TIGIT: variants seen among roughly 807,000 people sequenced by gnomAD.
TIGIT encodes T cell immunoreceptor with Ig and ITIM domains.
In TIGIT, 11 loss-of-function variants were observed where a neutral mutation model predicts 19.6. The ratio of observed to expected loss-of-function variants is 0.56; its 90% CI spans 0.35 to 0.93. The LOEUF (loss-of-function observed/expected upper bound fraction) is 0.93. TIGIT is among the 40% of genes least tolerant of loss of function. TIGIT has a pLI of 0.01. For missense variants in TIGIT, 295 were observed against 303.9 expected, an observed-to-expected ratio of 0.97 and a Z score of 0.22; for synonymous variants, 130 against 125.5, an observed-to-expected ratio of 1.04 and a Z score of -0.24.
At chr3:114,300,285 C>T (rs530922157) in intron 3 of TIGIT, among the ~76,000 whole-genome samples, 9 of 151,782 alleles carry the variant, frequency 5.9e-5, no homozygotes, top group African/African-American at 9.7e-5. Context: ...GAGACTGTGG[C>T]GGGAGGATCA....
In TIGIT at chr3:114,305,864, G is replaced by GGATGGATA. The variant is rs762466701; in HGVS notation, c.499-2028_499-2027insGGATAGAT. Among the ~76,000 whole-genome samples, 323 of 145,142 alleles carry GGATGGATA rather than the reference G, an allele frequency of 2.2e-3. 1 individual carries two copies. In the East Asian group the frequency reaches 0.026, roughly 12 times the overall value. ...TGGATGGGTGGGTGGATGGATGGATGGATAGATAGATAGATAGATAGATAG... is the reference window on the plus strand; with the variant it reads ...TGGATGGGTGGGTGGATGGATGGATGGATGGATAGATAGATAGATAGATAGATAGATAG... On this transcript the variant is annotated intron_variant, in intron 3 of 3. Transcript: ENST00000383671.
intron 3 of TIGIT, among the ~76,000 whole-genome samples, chr3:114,302,594 C>T (rs758355956): frequency 2.0e-5 from 3 of 152,142 alleles, no homozygotes; most frequent in Non-Finnish European, 4.4e-5. Flanking sequence ...TTAAGTGCTG[C>T]TATCTGTTCT....
rs2078447455 is a variant in TIGIT, at chr3:114,295,535, T to G, written c.62-10T>G. ...CCCAGGACTCACATGTGCTTCGTCC[T>G]CTTCCCTAGGAATGATGACAGGCAC... On this transcript the variant is annotated splice_polypyrimidine_tract_variant and intron_variant, in intron 1 of 3. Coordinates refer to ENST00000383671, the MANE Select transcript of TIGIT (RefSeq NM_173799.4). The G allele has an allele frequency of 1.2e-6, 2 of 1,607,406 alleles. No homozygotes were observed. The highest frequency in any genetic ancestry group is 2.7e-5 in the African/African-American group (2 of 74,862).
chr3:114,303,560 T>TACAC (rs2078508514), intron 3 of TIGIT, among the ~76,000 whole-genome samples: 2 of 5,816 alleles, frequency 3.4e-4, no homozygotes, highest in African/African-American at 5.4e-4. Flanking sequence ...TGTATATATA[T>TACAC]ATACATATAT....
At chr3:114,307,742 G>C (rs532852334) in intron 3 of TIGIT, 153 bp from the exon 4 acceptor site, 1 of 694,840 alleles carries the variant, frequency 1.4e-6, no homozygotes, top group Non-Finnish European at 2.5e-6. Flanking sequence ...CTGTAACGCG[G>C]TTGAGAAATT....
chr3:114,297,383 C>G (rs1196139747), intron 2 of TIGIT, among the ~76,000 whole-genome samples: 1 of 152,112 alleles, frequency 6.6e-6, no homozygotes, highest in Non-Finnish European at 1.5e-5. Context: ...ATAAGCTTAA[C>G]TTCATAAGGG....
chr3:114,303,564 CATATATATGTATATATATATAT>C (rs1560033582), intron 3 of TIGIT, among the ~76,000 whole-genome samples: 27 of 5,466 alleles, frequency 4.9e-3, no homozygotes, highest in Admixed American at 0.013. Context: ...TATATATATA[CATATATATGTATATATATATAT>C]ACATATATAT....
rs560685414 is a variant in TIGIT, at chr3:114,309,657, A to G, written c.*1526A>G. 4 of 152,344 alleles carry G rather than the reference A, an allele frequency of 2.6e-5. No homozygotes were observed. In the East Asian group the frequency reaches 7.7e-4, roughly 29 times the overall value. 9.4% of individuals were successfully genotyped at this position (152,344 alleles called of 1,614,324 possible). A position where few individuals can be genotyped will look rare whatever the true frequency, so the allele number is the denominator to read the frequency against. ...CAGAGCTCCAAGTCCTTTGGAAGAAAGATTAGATGAACGTAAAAATGTTGT... is the reference window on the plus strand; with the variant it reads ...CAGAGCTCCAAGTCCTTTGGAAGAAGGATTAGATGAACGTAAAAATGTTGT... On this transcript the variant is annotated 3_prime_UTR_variant, in exon 4 of 4. Coordinates refer to ENST00000383671, the MANE Select transcript of TIGIT (RefSeq NM_173799.4).
chr3:114,301,464 G>T lies in TIGIT; in HGVS notation c.498+1761G>T, dbSNP rs142223124. On this transcript the variant is annotated intron_variant, in intron 3 of 3. Transcript: ENST00000383671. ...AGGACAAGAGAAATGATTGAATAGA[G>T]GGGGGAGGTGAAGAAGATGAAAGTT... 5.9e-5 allele frequency among the ~76,000 whole-genome samples: 9 copies of T among 152,190 alleles called. 1 individual carries two copies. The highest frequency in any genetic ancestry group is 2.2e-4 in the African/African-American group (9 of 41,442).
At chr3:114,301,666 T>C (rs2078493479) in intron 3 of TIGIT, among the ~76,000 whole-genome samples, 1 of 152,198 alleles carries the variant, frequency 6.6e-6, no homozygotes, top group South Asian at 2.1e-4. Flanking sequence ...TGGACTAACT[T>C]TGGTCATCTG....
In TIGIT at chr3:114,308,066, G is replaced by A. The variant is rs2078547834; in HGVS notation, c.670G>A (p.Asp224Asn). The A allele has an allele frequency of 6.2e-7, 1 of 1,614,062 alleles. No individual in the cohort carries two copies. Among genetic ancestry groups the A allele is most frequent in the Non-Finnish European group, 8.5e-7 (1 of 1,180,042 alleles). Residue 224 changes from aspartate to asparagine, a missense_variant, in exon 4 of 4, where the codon GAC (aspartate) becomes AAC (asparagine). Transcript: ENST00000383671. ...QRGEDCAELH[D>N]YFNVLSYRSL... Reference sequence around the variant, plus strand: ...GGGAGAGGACTGTGCCGAGCTGCATGACTACTTCAATGTCCTGAGTTACAG... The same window carrying A: ...GGGAGAGGACTGTGCCGAGCTGCATAACTACTTCAATGTCCTGAGTTACAG...
intron 2 of TIGIT, among the ~76,000 whole-genome samples, chr3:114,296,280 G>A (rs1451710837): frequency 1.3e-5 from 2 of 152,218 alleles, no homozygotes; most frequent in African/African-American, 2.4e-5. Context: ...TAAAAACATA[G>A]CCTGTGCTAA....
intron 2 of TIGIT, among the ~76,000 whole-genome samples, chr3:114,296,956 G>A (rs1309860305): frequency 2.8e-5 from 4 of 144,724 alleles, no homozygotes; most frequent in African/African-American, 7.8e-5. Context: ...GTGCAATGGC[G>A]CAATCTCAGC....
intron 3 of TIGIT, among the ~76,000 whole-genome samples, chr3:114,306,515 A>G (rs1029857003): frequency 1.3e-5 from 2 of 152,268 alleles, no homozygotes; most frequent in South Asian, 2.1e-4. Context: ...TTGGGTCCCA[A>G]CTCAACCACT....
At chr3:114,305,914 G>A (rs1314468608) in intron 3 of TIGIT, among the ~76,000 whole-genome samples, 3 of 145,936 alleles carry the variant, frequency 2.1e-5, no homozygotes, top group African/African-American at 7.5e-5. Context: ...AGATGAGGAG[G>A]GATTTGTTAG....
rs2078452521 is a variant in TIGIT, at chr3:114,296,150, T to TA, written c.391+276_391+277insA. On this transcript the variant is annotated intron_variant, in intron 2 of 3. Transcript: ENST00000383671. ...ACTGTTCTTATGTAAGAAGCACATC[T>TA]TACCTATATTTCCTAGGAAGACCAG... 6.5e-5 allele frequency: 23 copies of TA among 356,464 alleles called. No homozygotes were observed. In the South Asian group the frequency reaches 1.3e-3, roughly 21 times the overall value. The allele number at this position is 356,464 out of a possible 1,614,324, so 22.1% of individuals were successfully genotyped here.
chr3:114,299,492 G>A, intron 2 of TIGIT, 105 bp from the exon 3 acceptor site: 1 of 794,172 alleles, frequency 1.3e-6, no homozygotes, highest in Non-Finnish European at 2.2e-6. Flanking sequence ...TTACACAAAG[G>A]GCTTGGCCAA....
At position 114,300,400 on chromosome 3, in the gene TIGIT, T is replaced by A. The variant is rs1387481237; in HGVS notation, c.498+697T>A. Among the ~76,000 whole-genome samples the A allele has an allele frequency of 2.6e-5, 4 of 151,156 alleles. No individual in the cohort carries two copies. In the East Asian group the frequency reaches 5.8e-4, roughly 22 times the overall value. On this transcript the variant is annotated intron_variant, in intron 3 of 3. Coordinates refer to ENST00000383671, the MANE Select transcript of TIGIT (RefSeq NM_173799.4). ...AAAAAAAAAAAAATTGGTGGTAAAG[T>A]GGGCATGGCAAGATCAGCAGGTTGT... is the stretch of plus-strand genomic sequence containing the variant.
intron 3 of TIGIT, among the ~76,000 whole-genome samples, chr3:114,301,373 AT>A (rs1311157750): frequency 3.3e-5 from 5 of 152,176 alleles, no homozygotes; most frequent in Non-Finnish European, 7.3e-5. Flanking sequence ...GATCTATAAT[AT>A]TTTCATTTAT....
Sources: gnomAD v4.1 joint callset for allele counts (sites outside exome capture counted in the v4.1 genomes callset) on GRCh38, gnomAD v4.1.1 for gene constraint, MANE v1.5 for transcripts, NCBI Gene and HGNC (gene_info 2026-07-23, HGNC 2026-07-21) for gene names.